The following TMEM163 variants were observed in gnomAD, a reference collection of about 807,000 sequenced individuals.
The protein encoded by TMEM163 is transmembrane protein 163.
In TMEM163, 17 loss-of-function variants were observed where a neutral mutation model predicts 29.3. The ratio of observed to expected loss-of-function variants is 0.58; its 90% CI spans 0.40 to 0.87. The LOEUF (loss-of-function observed/expected upper bound fraction) is 0.87, where lower values mean the gene tolerates loss of function less well. Ranked by LOEUF, TMEM163 falls within the 40% of genes least tolerant of loss-of-function variation. The probability of loss-of-function intolerance (pLI) is 0.00; values close to 1 mark genes in which losing one functional copy is unlikely to be tolerated. For missense variants in TMEM163, 303 were observed against 381.5 expected (o/e 0.79, Z 1.71); for synonymous variants, 157 against 160.6 (o/e 0.98, Z 0.17).
intron 5 of TMEM163, among the ~76,000 whole-genome samples, chr2:134,470,211 G>A (rs1199006372): frequency 2.6e-5 from 4 of 152,082 alleles, no homozygotes; most frequent in Admixed American, 2.6e-4. Context: ...CAAAAAATTA[G>A]CTGGGCGCGG....
chr2:134,456,825 G>A lies in TMEM163; in HGVS notation c.810-49C>T, dbSNP rs1264477634. ...GTCACCTCCATGGCATGGGGCTGAAGAGCTTGGGGAAGCGTATTTTCATTT... is the reference window on the plus strand; with the variant it reads ...GTCACCTCCATGGCATGGGGCTGAAAAGCTTGGGGAAGCGTATTTTCATTT... On this transcript the variant is annotated intron_variant, in intron 7 of 7. Transcript: ENST00000281924. The A allele has an allele frequency of 5.7e-6, 9 of 1,585,792 alleles. No individual in the cohort carries two copies. In the East Asian group the frequency reaches 2.0e-4, roughly 36 times the overall value.
At position 134,534,509 on chromosome 2, in the gene TMEM163, T is replaced by TG. The variant is rs1680487295; in HGVS notation, c.458+16060dup. Among the ~76,000 whole-genome samples the TG allele has an allele frequency of 5.9e-5, 9 of 152,280 alleles. 1 individual carries two copies. The South Asian group carries it at 1.7e-3, about 28-fold the overall frequency. ...GCTCACGCCTGTAATCCTAACACTT[T>TG]GGGAGGCCAAGGCAGGCAGATCACT... On this transcript the variant is annotated intron_variant, in intron 4 of 7. Coordinates refer to ENST00000281924, the MANE Select transcript of TMEM163 (RefSeq NM_030923.5).
intron 2 of TMEM163, among the ~76,000 whole-genome samples, chr2:134,598,033 C>A (rs1414174373): frequency 6.6e-6 from 1 of 152,106 alleles, no homozygotes; most frequent in Admixed American, 6.5e-5. Flanking sequence ...AGCAGTCTAT[C>A]AATTTTGTTG....
intron 5 of TMEM163, among the ~76,000 whole-genome samples, chr2:134,482,448 C>T (rs941954699): frequency 4.6e-5 from 7 of 152,168 alleles, no homozygotes; most frequent in African/African-American, 1.7e-4. Context: ...GAATAGGAGG[C>T]TCACTTGCTT....
chr2:134,564,148 C>A (rs545346970), intron 2 of TMEM163, among the ~76,000 whole-genome samples: 1 of 152,022 alleles, frequency 6.6e-6, no homozygotes. Flanking sequence ...CTACCAGATA[C>A]GAAGATTTCA....
intron 2 of TMEM163, among the ~76,000 whole-genome samples, chr2:134,554,447 A>AGAG (rs1204685766): frequency 6.7e-6 from 1 of 148,260 alleles, no homozygotes; most frequent in African/African-American, 2.5e-5. Flanking sequence ...AAAAAAAAAA[A>AGAG]AGAGAGAGAG....
intron 2 of TMEM163, among the ~76,000 whole-genome samples, chr2:134,561,116 C>G (rs924670841): frequency 2.0e-5 from 3 of 152,258 alleles, no homozygotes; most frequent in African/African-American, 4.8e-5. Flanking sequence ...TCTCCGATGG[C>G]GTATACAGCC....
chr2:134,525,182 T>C (rs866177705), intron 4 of TMEM163, among the ~76,000 whole-genome samples: 2 of 152,302 alleles, frequency 1.3e-5, no homozygotes, highest in Middle Eastern at 3.4e-3. Context: ...AAGGATAAAT[T>C]AGTGCTACTC....
chr2:134,540,699 G>C (rs1307646804), intron 4 of TMEM163, among the ~76,000 whole-genome samples: 1 of 152,164 alleles, frequency 6.6e-6, no homozygotes, highest in East Asian at 1.9e-4. Context: ...GAGCCTTCAG[G>C]AACAAACTTT....
intron 2 of TMEM163, among the ~76,000 whole-genome samples, chr2:134,581,197 C>T (rs1055879173): frequency 1.3e-5 from 2 of 152,204 alleles, no homozygotes; most frequent in African/African-American, 4.8e-5. Context: ...GGCACCATTT[C>T]TGGTTAACCT....
chr2:134,486,328 C>CGATGAG (rs1442945116), intron 5 of TMEM163, among the ~76,000 whole-genome samples: 1 of 152,134 alleles, frequency 6.6e-6, no homozygotes, highest in African/African-American at 2.4e-5. Flanking sequence ...GCACTACTAA[C>CGATGAG]GATGAGAGCT....
At position 134,535,721 on chromosome 2, in the gene TMEM163, T is replaced by A. The variant is rs943460753; in HGVS notation, c.458+14849A>T. Among the ~76,000 whole-genome samples the A allele has an allele frequency of 7.7e-5, 10 of 130,112 alleles. No individual in the cohort carries two copies. The East Asian group carries it at 2.6e-3, about 34-fold the overall frequency. The allele number at this position is 130,112 out of a possible 152,430, so 85.4% of individuals were successfully genotyped here. Reference sequence around the variant, plus strand: ...ATACATTTACTTATTTGTATGGTTTTTTTTTTTGTTTGTTTGTTTTTTTTG... The same window carrying A: ...ATACATTTACTTATTTGTATGGTTTATTTTTTTGTTTGTTTGTTTTTTTTG... On this transcript the variant is annotated intron_variant, in intron 4 of 7. Coordinates refer to ENST00000281924, the MANE Select transcript of TMEM163 (RefSeq NM_030923.5).
At chr2:134,600,344 A>T (rs1682199272) in intron 2 of TMEM163, among the ~76,000 whole-genome samples, 1 of 152,214 alleles carries the variant, frequency 6.6e-6, no homozygotes, top group African/African-American at 2.4e-5. Flanking sequence ...ACAATGGCAT[A>T]AAAAATCTTG....
chr2:134,554,913 A>G (rs1681017075), intron 2 of TMEM163, among the ~76,000 whole-genome samples: 1 of 152,218 alleles, frequency 6.6e-6, no homozygotes, highest in Non-Finnish European at 1.5e-5. Context: ...AGTCCTTCAC[A>G]GAGATGTATC....
chr2:134,614,241 T>C (rs1682562650), intron 2 of TMEM163, among the ~76,000 whole-genome samples: 1 of 152,054 alleles, frequency 6.6e-6, no homozygotes, highest in African/African-American at 2.4e-5. Context: ...TTTTTCAACA[T>C]ACAATGATGG....
In TMEM163 at chr2:134,679,030, C is replaced by T. The variant is rs915222614; in HGVS notation, c.322+34170G>A. On this transcript the variant is annotated intron_variant, in intron 2 of 7. Transcript: ENST00000281924. Reference sequence around the variant, plus strand: ...AGGTGACAATCAACATATTTAACAACGAGCAGAGCTCTGGCCCCTGTCAGG... The same window carrying T: ...AGGTGACAATCAACATATTTAACAATGAGCAGAGCTCTGGCCCCTGTCAGG... Among the ~76,000 whole-genome samples, 3 of 152,194 alleles carry T rather than the reference C, an allele frequency of 2.0e-5. 1 individual carries two copies. Among genetic ancestry groups the T allele is most frequent in the South Asian group, 4.1e-4 (2 of 4,828 alleles).
chr2:134,579,919 A>T (rs1173722264), intron 2 of TMEM163, among the ~76,000 whole-genome samples: 1 of 152,212 alleles, frequency 6.6e-6, no homozygotes, highest in East Asian at 1.9e-4. Context: ...ACAGGGCATG[A>T]AGGACCTCAC....
intron 2 of TMEM163, among the ~76,000 whole-genome samples, chr2:134,625,761 TA>T (rs1050801736): frequency 2.0e-5 from 3 of 152,228 alleles, no homozygotes; most frequent in African/African-American, 7.2e-5. Flanking sequence ...AAATTAAGCC[TA>T]AGCGTTTACA....
At chr2:134,548,415 A>G (rs542348736) in intron 4 of TMEM163, among the ~76,000 whole-genome samples, 15 of 152,356 alleles carry the variant, frequency 9.8e-5, no homozygotes, top group East Asian at 7.7e-4. Flanking sequence ...CATTAGTGGC[A>G]ACCATATTGG....
Sources: gnomAD v4.1 joint callset for allele counts (sites outside exome capture counted in the v4.1 genomes callset) on GRCh38, gnomAD v4.1.1 for gene constraint, MANE v1.5 for transcripts, NCBI Gene and HGNC (gene_info 2026-07-23, HGNC 2026-07-21) for gene names.